Variants in SPRY3 observed in about 807,000 individuals in gnomAD.
SPRY3 encodes protein sprouty homolog 3.
A neutral mutation model predicts 20.2 loss-of-function variants in SPRY3; 15 were observed. The ratio of observed to expected loss-of-function variants is 0.74; its 90% CI spans 0.50 to 1.14. The LOEUF is 1.14. Among genes scored for constraint, SPRY3 ranks in the 50% most tolerant of loss-of-function variants. The pLI, the probability that SPRY3 is intolerant of heterozygous loss-of-function variation, is 0.00. For missense variants in SPRY3, 364 were observed against 363.9 expected (o/e 1.00, Z 0.00); for synonymous variants, 143 against 136.5 (o/e 1.05, Z -0.33).
At chrX:155,774,455 T>C in exon 4 of SPRY3, 1 of 1,614,014 alleles carries the variant, frequency 6.2e-7, no homozygotes, top group Non-Finnish European at 8.5e-7. Flanking sequence ...AAGGGCCTCT[T>C]CTACCACTGC....
At chrX:155,777,635 T>TTATATATATATATA (rs1405328791), downstream of SPRY3, 2 of 18,800 alleles carry the variant, frequency 1.1e-4, no homozygotes, top group Non-Finnish European at 2.0e-4. Flanking sequence ...CCTTCTGTGA[T>TTATATATATATATA]TATATATATT....
intron 1 of SPRY3, among the ~76,000 whole-genome samples, chrX:155,626,325 C>T (rs1240151357): frequency 9.0e-6 from 1 of 111,142 alleles, no homozygotes; most frequent in African/African-American, 3.3e-5. Context: ...TTTTTATTTG[C>T]TTATTGTTCA....
intron 1 of SPRY3, among the ~76,000 whole-genome samples, chrX:155,627,811 C>T (rs2067893180): frequency 9.2e-6 from 1 of 108,341 alleles, no homozygotes; most frequent in Non-Finnish European, 1.9e-5. Flanking sequence ...TGATGCTCTC[C>T]CTCCCACCCC....
chrX:155,676,517 C>A (rs1324123036), intron 2 of SPRY3, among the ~76,000 whole-genome samples: 5 of 111,542 alleles, frequency 4.5e-5, no homozygotes, highest in Non-Finnish European at 7.5e-5. Context: ...TCAAGTGATG[C>A]CTAAGCTCTT....
rs782158546 is a variant in SPRY3 at position 155,634,077 on chromosome X, C to CAA, written c.-441+21443_-441+21444dup. Reference sequence around the variant, plus strand: ...GCCTGGCGACAGAGCGAGACTCCATCAAAAAAAAAAAAAATCAGAATCTAT... The same window carrying CAA: ...GCCTGGCGACAGAGCGAGACTCCATCAAAAAAAAAAAAAAAATCAGAATCTAT... On this transcript the variant is annotated intron_variant, in intron 1 of 3. Coordinates refer to ENST00000675360, the Ensembl canonical transcript of SPRY3. 6.8e-3 allele frequency among the ~76,000 whole-genome samples: 661 copies of CAA among 97,040 alleles called. 6 individuals are homozygous for CAA. Among genetic ancestry groups the CAA allele is most frequent in the African/African-American group, 0.024 (630 of 26,595 alleles). 84.3% of individuals were successfully genotyped at this position (97,040 alleles called of 115,157 possible).
At chrX:155,624,835 A>T (rs2067883189) in intron 1 of SPRY3, among the ~76,000 whole-genome samples, 1 of 111,867 alleles carries the variant, frequency 8.9e-6, no homozygotes, top group African/African-American at 3.2e-5. Context: ...TGTTCATTCA[A>T]CAAATGTTTA....
intron 3 of SPRY3, among the ~76,000 whole-genome samples, chrX:155,770,055 T>C (rs1418314421): frequency 6.6e-6 from 1 of 152,080 alleles, no homozygotes; most frequent in Non-Finnish European, 1.5e-5. Context: ...GGAGTGTATA[T>C]AACAGCAGAG....
chrX:155,743,524 G>T (rs1412588030), intron 2 of SPRY3, among the ~76,000 whole-genome samples: 1 of 152,104 alleles, frequency 6.6e-6, no homozygotes, highest in African/African-American at 2.4e-5. Flanking sequence ...AATGGGGATG[G>T]CAGCACCTGC....
chrX:155,656,602 C>A (rs1482325313), intron 1 of SPRY3, among the ~76,000 whole-genome samples: 4 of 111,093 alleles, frequency 3.6e-5, no homozygotes, highest in African/African-American at 1.3e-4. Context: ...TCTGTCAATT[C>A]GTCAAACTCA....
downstream of SPRY3, chrX:155,780,895 G>GA (rs1427419716): frequency 1.8e-5 from 3 of 166,828 alleles, no homozygotes; most frequent in African/African-American, 4.8e-5. Context: ...GTATGTGAAA[G>GA]AAAAAAAGCT....
intron 2 of SPRY3, among the ~76,000 whole-genome samples, chrX:155,749,913 C>G (rs1362001470): frequency 6.6e-6 from 1 of 151,512 alleles, no homozygotes; most frequent in East Asian, 1.9e-4. Context: ...GAGGAGGGAT[C>G]GAGTCTATAG....
At chrX:155,655,988 C>T (rs1413308539) in intron 1 of SPRY3, among the ~76,000 whole-genome samples, 1 of 112,123 alleles carries the variant, frequency 8.9e-6, no homozygotes, top group Non-Finnish European at 1.9e-5. Flanking sequence ...ATGGGCTTCC[C>T]TATGTAGGTA....
At chrX:155,625,146 A>G (rs782543335) in intron 1 of SPRY3, among the ~76,000 whole-genome samples, 2 of 111,779 alleles carry the variant, frequency 1.8e-5, no homozygotes, top group East Asian at 2.8e-4. Context: ...ATAATTGTGT[A>G]TATTTATGAG....
At chrX:155,768,671 T>A (rs1315185903) in intron 3 of SPRY3, among the ~76,000 whole-genome samples, 1 of 152,058 alleles carries the variant, frequency 6.6e-6, no homozygotes, top group Non-Finnish European at 1.5e-5. Context: ...TTACATTGAG[T>A]CAGAGCAGTG....
intron 2 of SPRY3, among the ~76,000 whole-genome samples, chrX:155,760,633 A>T (rs758961635): frequency 2.6e-5 from 4 of 152,000 alleles, no homozygotes; most frequent in South Asian, 2.1e-4. Context: ...GTAGGAGGGG[A>T]TGGTTTGGAG....
chrX:155,724,659 C>T (rs2091085406), intron 2 of SPRY3, among the ~76,000 whole-genome samples: 1 of 152,136 alleles, frequency 6.6e-6, no homozygotes, highest in African/African-American at 2.4e-5. Flanking sequence ...GATTTTTGCA[C>T]ATTGATTTTG....
At chrX:155,653,039 CAT>C (rs1557352572) in intron 1 of SPRY3, among the ~76,000 whole-genome samples, 1 of 111,281 alleles carries the variant, frequency 9.0e-6, no homozygotes, top group Admixed American at 9.6e-5. Flanking sequence ...CTATTCAAGT[CAT>C]TTGCTCATTT....
chrX:155,780,544 A>G, downstream of SPRY3: 1 of 166,950 alleles, frequency 6.0e-6, no homozygotes, highest in African/African-American at 2.4e-5. Context: ...TCATATATGC[A>G]TTTCTTTATA....
intron 2 of SPRY3, among the ~76,000 whole-genome samples, chrX:155,665,215 C>A (rs1238469650): frequency 2.7e-5 from 3 of 110,672 alleles, no homozygotes; most frequent in African/African-American, 9.8e-5. Flanking sequence ...GCAAAATTTA[C>A]TCTGATAACA....
Sources: allele counts gnomAD v4.1 joint callset (sites outside exome capture counted in the v4.1 genomes callset), GRCh38; gene constraint gnomAD v4.1.1; transcripts MANE v1.5; gene names NCBI Gene and HGNC (gene_info 2026-07-23, HGNC 2026-07-21).